RPS6KA2: variants seen among roughly 807,000 people sequenced by gnomAD.
The protein encoded by RPS6KA2 is ribosomal protein S6 kinase alpha-2.
Under a neutral mutation model 91.8 loss-of-function variants are expected in RPS6KA2, and 42 were observed. The ratio of observed to expected loss-of-function variants is 0.46; its 90% CI spans 0.36 to 0.59. RPS6KA2 has a LOEUF of 0.59. Among genes scored for constraint, RPS6KA2 ranks in the 20% least tolerant of loss-of-function variants. RPS6KA2 has a pLI of 0.00. For missense variants in RPS6KA2, 798 were observed against 978.5 expected, an observed-to-expected ratio of 0.82 and a Z score of 2.46; for synonymous variants, 414 against 393.6, an observed-to-expected ratio of 1.05 and a Z score of -0.61.
intron 2 of RPS6KA2, among the ~76,000 whole-genome samples, chr6:166,855,240 TCTGGTAATGG>T (rs1389028843): frequency 6.6e-6 from 1 of 152,136 alleles, no homozygotes; most frequent in Non-Finnish European, 1.5e-5. Flanking sequence ...TGGTCACTGT[TCTGGTAATGG>T]CTATGCTAGA....
chr6:166,706,220 T>G (rs771987659), intron 2 of RPS6KA2, among the ~76,000 whole-genome samples: 8 of 152,204 alleles, frequency 5.3e-5, no homozygotes, highest in Non-Finnish European at 1.0e-4. Flanking sequence ...AGTGGTGAAA[T>G]TTTATCAAAT....
chr6:166,441,255 G>T (rs1779510071), intron 14 of RPS6KA2, among the ~76,000 whole-genome samples: 1 of 152,142 alleles, frequency 6.6e-6, no homozygotes, highest in African/African-American at 2.4e-5. Flanking sequence ...TTTCCACTGT[G>T]GCTGTGAAGG....
In RPS6KA2 at chr6:166,510,552, CTCATATATATATATATATATATATATAT is replaced by C. The variant is rs1400586567; in HGVS notation, c.299-223_299-196del. Among the ~76,000 whole-genome samples, 79 of 66,528 alleles carry C rather than the reference CTCATATATATATATATATATATATATAT, an allele frequency of 1.2e-3. 1 individual carries two copies. The highest frequency in any genetic ancestry group is 3.9e-3 in the African/African-American group (72 of 18,276). The allele number at this position is 66,528 out of a possible 152,430, so 43.6% of individuals were successfully genotyped here. ...GTTTTAATACATTTGCTTTCTCTCT[CTCATATATATATATATATATATATATAT>C]ATATATATATATATATATATATATA... is the stretch of plus-strand genomic sequence containing the variant. On this transcript the variant is annotated intron_variant, in intron 3 of 20. Transcript: ENST00000265678.
Position 166,423,190 on chromosome 6 carries a change from G to T in RPS6KA2, c.1743+66C>A. ...ATCCCCGCTGTCCGGTGGCTCTGCA[G>T]TGGGAGGGGGCAGAGCCTGTCTTTG... On this transcript the variant is annotated intron_variant, in intron 17 of 20. Transcript: ENST00000265678. This position sits in a 1 kb window ranked among gnomAD's most constrained non-coding sequence, Gnocchi z 4.8. 6.6e-7 allele frequency: 1 copy of T among 1,505,094 alleles called. No homozygotes were observed. The highest frequency in any genetic ancestry group is 1.2e-5 in the South Asian group (1 of 80,942). 93.2% of individuals were successfully genotyped at this position (1,505,094 alleles called of 1,614,324 possible). A position where few individuals can be genotyped will look rare whatever the true frequency, so the allele number is the denominator to read the frequency against.
intron 1 of RPS6KA2, among the ~76,000 whole-genome samples, chr6:166,607,281 A>T (rs77689779): frequency 0.052 from 7,866 of 152,222 alleles, 687 homozygotes; most frequent in African/African-American, 0.18. Context: ...TTCCACTCCC[A>T]GGTATAAACC....
chr6:166,579,022 C>T (rs1435999239), intron 1 of RPS6KA2, among the ~76,000 whole-genome samples: 1 of 152,170 alleles, frequency 6.6e-6, no homozygotes, highest in Non-Finnish European at 1.5e-5. Context: ...TAGAAGGAAA[C>T]AGTAAGTCTG....
At chr6:166,450,288 A>G (rs79364884) in intron 13 of RPS6KA2, among the ~76,000 whole-genome samples, 39,965 of 142,900 alleles carry the variant, frequency 0.28, 5,017 homozygotes, top group Middle Eastern at 0.39. Flanking sequence ...ACCACCAGGG[A>G]ACCACCACGG....
chr6:166,820,331 G>T (rs1012243245), intron 2 of RPS6KA2, among the ~76,000 whole-genome samples: 1 of 152,146 alleles, frequency 6.6e-6, no homozygotes, highest in African/African-American at 2.4e-5. Context: ...CTCATTAAAG[G>T]TTTCCAGATT....
intron 2 of RPS6KA2, among the ~76,000 whole-genome samples, chr6:166,734,160 A>G (rs1790608126): frequency 1.3e-5 from 2 of 152,192 alleles, no homozygotes; most frequent in Admixed American, 1.3e-4. Flanking sequence ...CTGAGGGGCA[A>G]GGGGGCCGAG....
upstream of RPS6KA2, chr6:166,627,334 C>G (rs988121385): frequency 1.9e-5 from 11 of 577,338 alleles, no homozygotes; most frequent in Non-Finnish European, 2.4e-5. Context: ...CGCCCCGGCA[C>G]GCACACCTCC....
At chr6:166,470,534 A>C (rs1469050243) in intron 10 of RPS6KA2, among the ~76,000 whole-genome samples, 2 of 152,198 alleles carry the variant, frequency 1.3e-5, no homozygotes, top group East Asian at 3.8e-4. Context: ...TGTTGCGTAC[A>C]ATCCTAAGGC....
chr6:166,641,761 A>AAAAAAAAAAAAC (rs1787444906), intron 2 of RPS6KA2, among the ~76,000 whole-genome samples: 1 of 140,534 alleles, frequency 7.1e-6, no homozygotes, highest in Non-Finnish European at 1.5e-5. Context: ...AAAAAAAAAA[A>AAAAAAAAAAAAC]AAATTCAATA....
chr6:166,434,561 T>G lies in RPS6KA2; in HGVS notation c.1333-2071A>C, dbSNP rs1299551311. The stretch of plus-strand genomic sequence containing the variant: ...CCAAACTCCTCTGCTCCTGTCTGCC[T>G]GTGGGCATCCCGTCTATCGGGGCCG... On this transcript the variant is annotated intron_variant, in intron 14 of 20. Coordinates refer to ENST00000265678, the MANE Select transcript of RPS6KA2 (RefSeq NM_021135.6). The surrounding 1 kb of genome is among the most constrained non-coding windows in gnomAD (Gnocchi z 4.4). Among the ~76,000 whole-genome samples, 2 of 152,212 alleles carry G rather than the reference T, an allele frequency of 1.3e-5. No individual in the cohort carries two copies. Among genetic ancestry groups the G allele is most frequent in the Non-Finnish European group, 2.9e-5 (2 of 68,040 alleles).
chr6:166,436,452 G>C (rs911043762), intron 14 of RPS6KA2, among the ~76,000 whole-genome samples: 1 of 152,174 alleles, frequency 6.6e-6, no homozygotes, highest in African/African-American at 2.4e-5. Flanking sequence ...TAATGCCTTG[G>C]GGGCAGTCCT....
intron 2 of RPS6KA2, among the ~76,000 whole-genome samples, chr6:166,820,113 T>C (rs1326098641): frequency 2.0e-5 from 3 of 152,334 alleles, no homozygotes; most frequent in East Asian, 1.9e-4. Flanking sequence ...ATGGGCTATC[T>C]GTATGTATCT....
intron 2 of RPS6KA2, among the ~76,000 whole-genome samples, chr6:166,743,777 G>A (rs898378716): frequency 6.6e-6 from 1 of 152,076 alleles, no homozygotes; most frequent in Admixed American, 6.5e-5. Context: ...GGCAGACAGG[G>A]CTTTGGCTGG....
At chr6:166,751,083 C>G (rs4710090) in intron 2 of RPS6KA2, among the ~76,000 whole-genome samples, 1 of 152,016 alleles carries the variant, frequency 6.6e-6, no homozygotes, top group Non-Finnish European at 1.5e-5. Flanking sequence ...ACGCAGTGCC[C>G]CCGAGCTGCA....
chr6:166,511,980 C>T (rs188200631), intron 3 of RPS6KA2, among the ~76,000 whole-genome samples: 26 of 152,222 alleles, frequency 1.7e-4, no homozygotes, highest in African/African-American at 5.5e-4. Context: ...TGGATTTGAA[C>T]GGGTTCATCC....
At chr6:166,679,369 C>T (rs1012990365) in intron 2 of RPS6KA2, among the ~76,000 whole-genome samples, 17 of 151,838 alleles carry the variant, frequency 1.1e-4, no homozygotes, top group African/African-American at 4.1e-4. Context: ...GAGGCTGAGG[C>T]AGAAGAATCA....
Sources: gnomAD v4.1 joint callset for allele counts (sites outside exome capture counted in the v4.1 genomes callset) on GRCh38, gnomAD v4.1.1 for gene constraint, Gnocchi (gnomAD v3.1) non-coding constraint, MANE v1.5 for transcripts, NCBI Gene and HGNC (gene_info 2026-07-23, HGNC 2026-07-21) for gene names.